The following UTRN variants were observed in gnomAD, a reference collection of about 807,000 sequenced individuals.
The protein encoded by UTRN is dystrophin-related protein 1.
UTRN carries 283 observed loss-of-function variants against 463.9 expected under a neutral mutation model. That is an observed-to-expected ratio of 0.61 (90% CI 0.55 to 0.67). The LOEUF is 0.67. Ranked by LOEUF, UTRN falls within the 30% of genes least tolerant of loss-of-function variation. The pLI is 0.00. For synonymous variants in UTRN, 1,442 were observed against 1,431.5 expected, an observed-to-expected ratio of 1.01 and a Z score of -0.17; for missense variants, 3,922 against 4,084.3, an observed-to-expected ratio of 0.96 and a Z score of 1.08.
intron 73 of UTRN, among the ~76,000 whole-genome samples, chr6:144,843,661 T>C (rs1035787747): frequency 2.7e-4 from 41 of 152,334 alleles, no homozygotes; most frequent in African/African-American, 9.6e-4. Context: ...CTCCCCTGCA[T>C]TGGTCCCCTC....
chr6:144,317,037 T>A (rs993686901), intron 2 of UTRN, among the ~76,000 whole-genome samples: 3 of 152,202 alleles, frequency 2.0e-5, no homozygotes, highest in Non-Finnish European at 1.5e-5. Flanking sequence ...AAACTTTGGA[T>A]GCATATTTGT....
At chr6:144,819,871 T>TCCG (rs1446535968) in intron 65 of UTRN, among the ~76,000 whole-genome samples, 6 of 137,760 alleles carry the variant, frequency 4.4e-5, no homozygotes, top group Admixed American at 1.6e-4. Flanking sequence ...CTTCTCCTCC[T>TCCG]CCGCCGCCTC....
At chr6:144,444,688 A>G (rs950089115) in intron 14 of UTRN, among the ~76,000 whole-genome samples, 1 of 152,200 alleles carries the variant, frequency 6.6e-6, no homozygotes, top group Non-Finnish European at 1.5e-5. Flanking sequence ...TGGGTGATGT[A>G]TTTGAATTTG....
intron 2 of UTRN, among the ~76,000 whole-genome samples, chr6:144,369,828 A>G (rs1249192686): frequency 6.6e-6 from 1 of 152,122 alleles, no homozygotes; most frequent in Non-Finnish European, 1.5e-5. Flanking sequence ...ATGAGATCTA[A>G]TGGTTTTATA....
At chr6:144,516,155 C>A in intron 37 of UTRN, 74 bp from the exon 38 acceptor site, 3 of 1,455,996 alleles carry the variant, frequency 2.1e-6, no homozygotes, top group Non-Finnish European at 2.8e-6. Flanking sequence ...TCTCTCTTGA[C>A]ACCCCATCTC....
chr6:144,452,946 A>G (rs1788476376), intron 18 of UTRN, among the ~76,000 whole-genome samples: 1 of 131,028 alleles, frequency 7.6e-6, no homozygotes, highest in Admixed American at 7.6e-5. Context: ...TGCCTCAAAG[A>G]AAAAAAAAAA....
chr6:144,336,717 T>C (rs1776745300), intron 2 of UTRN, among the ~76,000 whole-genome samples: 1 of 152,098 alleles, frequency 6.6e-6, no homozygotes, highest in Non-Finnish European at 1.5e-5. Flanking sequence ...ACTCCCTCTT[T>C]CTTTTTTTTT....
chr6:144,554,015 A>G (rs576701165), intron 48 of UTRN, among the ~76,000 whole-genome samples: 1 of 152,278 alleles, frequency 6.6e-6, no homozygotes, highest in East Asian at 1.9e-4. Context: ...AGAAATAGAA[A>G]GAGAGAGAAG....
At chr6:144,411,473 G>T (rs1783891027) in intron 3 of UTRN, among the ~76,000 whole-genome samples, 1 of 152,044 alleles carries the variant, frequency 6.6e-6, no homozygotes, top group South Asian at 2.1e-4. Flanking sequence ...GTATGCTAGT[G>T]GCCCCTGCCT....
At position 144,514,650 on chromosome 6, in the gene UTRN, C is replaced by T. The variant is rs749647494; in HGVS notation, c.5074C>T (p.Arg1692Cys). ...PTSKQEEIVK[R>C]LVSELDDANL... ...TAATTTTGTGTTTTCTTATAATTAG[C>T]GTTTAGTATCTGAGCTGGATGATGC... The change falls in exon 37 of 75, where the codon CGT becomes TGT. Residue 1692 changes from arginine to cysteine, a missense_variant and splice_region_variant. Arg to Cys is a radical substitution (Grantham distance 180). Transcript: ENST00000367545. 154 of 1,611,450 alleles carry T rather than the reference C, an allele frequency of 9.6e-5. No individual in the cohort carries two copies. The highest frequency in any genetic ancestry group is 3.2e-4 in the Admixed American group (19 of 59,252).
chr6:144,326,326 C>T (rs1775972401), intron 2 of UTRN, among the ~76,000 whole-genome samples: 2 of 151,298 alleles, frequency 1.3e-5, no homozygotes, highest in Admixed American at 1.3e-4. Context: ...TTTAGTAGCC[C>T]TCTTTTCTCA....
chr6:144,656,642 A>T (rs1779341667), intron 51 of UTRN, among the ~76,000 whole-genome samples: 1 of 152,206 alleles, frequency 6.6e-6, no homozygotes, highest in South Asian at 2.1e-4. Flanking sequence ...GCTCACTTTT[A>T]TAAAAGCAAC....
chr6:144,734,561 C>T (rs74859529), intron 54 of UTRN, among the ~76,000 whole-genome samples: 5,292 of 152,182 alleles, frequency 0.035, 296 homozygotes, highest in African/African-American at 0.12. Flanking sequence ...GGCTAAAATC[C>T]ACTGGGCCGC....
At chr6:144,786,467 G>A (rs192025010) in intron 61 of UTRN, among the ~76,000 whole-genome samples, 419 of 152,202 alleles carry the variant, frequency 2.8e-3, no homozygotes, top group Middle Eastern at 0.01. Flanking sequence ...TGTATGTTTA[G>A]TAGAGACAGG....
At chr6:144,771,086 C>T (rs1024177639) in intron 58 of UTRN, among the ~76,000 whole-genome samples, 3 of 152,210 alleles carry the variant, frequency 2.0e-5, no homozygotes, top group African/African-American at 7.2e-5. Context: ...TGATAATCTA[C>T]ATCTGTTTAA....
At position 144,799,463 on chromosome 6, in the gene UTRN, G is replaced by T. The variant is rs1302445909; in HGVS notation, c.9245+1473G>T. ...GGAAGTCAAAGCACAAATGTTGGAA[G>T]AAGAAGAATGGTAAAGTCACAGTTT... is the stretch of plus-strand genomic sequence containing the variant. On this transcript the variant is annotated intron_variant, in intron 64 of 74. Transcript: ENST00000367545. The T allele has an allele frequency of 1.1e-5, 5 of 471,744 alleles. No homozygotes were observed. In the Admixed American group the frequency reaches 1.2e-4, roughly 11 times the overall value. The allele number at this position is 471,744 out of a possible 1,614,324, so 29.2% of individuals were successfully genotyped here.
rs564366679 is a variant in UTRN at position 144,615,404 on chromosome 6, C to T, written c.7479+38116C>T. On this transcript the variant is annotated intron_variant, in intron 51 of 74. Coordinates refer to ENST00000367545, the MANE Select transcript of UTRN (RefSeq NM_007124.3). ...CTTTAGGAGTCCACTTGTCTAACTT[C>T]AGTTGCCATCTCAGGCATTACTTCT... Among the ~76,000 whole-genome samples the T allele has an allele frequency of 1.2e-4, 18 of 152,268 alleles. No individual in the cohort carries two copies. In the East Asian group the frequency reaches 3.5e-3, roughly 29 times the overall value.
At chr6:144,765,493 A>G (rs973685196) in intron 58 of UTRN, among the ~76,000 whole-genome samples, 2 of 152,074 alleles carry the variant, frequency 1.3e-5, no homozygotes, top group Non-Finnish European at 2.9e-5. Context: ...GGCTCATTGC[A>G]GTCTTATACT....
At chr6:144,815,635 T>C (rs776285847) in intron 65 of UTRN, among the ~76,000 whole-genome samples, 2 of 152,208 alleles carry the variant, frequency 1.3e-5, no homozygotes, top group Non-Finnish European at 2.9e-5. Context: ...CGGAAAAAGA[T>C]GAAGGCCAGA....
Sources: allele counts gnomAD v4.1 joint callset (sites outside exome capture counted in the v4.1 genomes callset), GRCh38; gene constraint gnomAD v4.1.1; transcripts MANE v1.5; gene names NCBI Gene and HGNC (gene_info 2026-07-23, HGNC 2026-07-21).